ADCK2: variants seen among roughly 807,000 people sequenced by gnomAD.
The protein encoded by ADCK2 is aarF domain containing kinase 2.
Under a neutral mutation model 52.3 loss-of-function variants are expected in ADCK2, and 37 were observed. The ratio of observed to expected loss-of-function variants is 0.71; its 90% CI spans 0.54 to 0.93. ADCK2 has a LOEUF of 0.93. Ranked by LOEUF, ADCK2 falls within the 40% of genes least tolerant of loss-of-function variation. The pLI, the probability that ADCK2 is intolerant of heterozygous loss-of-function variation, is 0.00. For synonymous variants in ADCK2, 321 were observed against 349.2 expected (o/e 0.92, Z 0.90); for missense variants, 695 against 798.7 (o/e 0.87, Z 1.56).
chr7:140,675,136 A>G (rs987944964), intron 2 of ADCK2, among the ~76,000 whole-genome samples: 5 of 152,100 alleles, frequency 3.3e-5, no homozygotes, highest in Non-Finnish European at 7.4e-5. Context: ...CCAGCTACTC[A>G]GGAAGCTGAG....
In ADCK2 at chr7:140,694,841, G is replaced by A; in HGVS notation, c.*38G>A. The A allele has an allele frequency of 6.3e-7, 1 of 1,585,330 alleles. No individual in the cohort carries two copies. Among genetic ancestry groups the A allele is most frequent in the Admixed American group, 1.8e-5 (1 of 54,880 alleles). On this transcript the variant is annotated 3_prime_UTR_variant, in exon 8 of 8. Coordinates refer to ENST00000072869, the MANE Select transcript of ADCK2 (RefSeq NM_052853.4). ...CTCTGTGGGCCCTTGTCAAGAGCTG[G>A]AGGCCACTCCCAAGAGCCTCTCCTA...
chr7:140,679,181 T>C lies in ADCK2; in HGVS notation c.1107T>C (p.Asn369=). Residue 369 remains asparagine (N), a synonymous_variant, in exon 3 of 8, where the codon AAT becomes AAC. Coordinates refer to ENST00000072869, the MANE Select transcript of ADCK2 (RefSeq NM_052853.4). ...TTGACCTGCGTTACGAAGCTCAGAATCTAGAACACTTCCAGGTCAACTTCC... is the reference window on the plus strand; with the variant it reads ...TTGACCTGCGTTACGAAGCTCAGAACCTAGAACACTTCCAGGTCAACTTCC... ...QQIDLRYEAQ[N]LEHFQVNFRN... The C allele has an allele frequency of 1.9e-6, 3 of 1,614,116 alleles. No homozygotes were observed. The highest frequency in any genetic ancestry group is 2.5e-6 in the Non-Finnish European group (3 of 1,179,998).
In ADCK2 at chr7:140,674,459, T is replaced by A. The variant is rs1794357633; in HGVS notation, c.934-152T>A. 1 of 1,128,412 alleles carries A rather than the reference T, an allele frequency of 8.9e-7. No homozygotes were observed. The highest frequency in any genetic ancestry group is 1.2e-6 in the Non-Finnish European group (1 of 815,778). 69.9% of individuals were successfully genotyped at this position (1,128,412 alleles called of 1,614,324 possible). ...CTGATAGAGGAAAATGAACTGAGTC[T>A]GGAGTGAACTAACTGCTTGGGTGTC... On this transcript the variant is annotated intron_variant, in intron 1 of 7. Transcript: ENST00000072869. The surrounding 1 kb of genome is among the most constrained non-coding windows in gnomAD (Gnocchi z 4.6).
intron 7 of ADCK2, among the ~76,000 whole-genome samples, chr7:140,691,083 G>A (rs1278225726): frequency 6.6e-6 from 1 of 151,754 alleles, no homozygotes; most frequent in African/African-American, 2.4e-5. Context: ...CCACCACCAC[G>A]CCTGGCTAAT....
chr7:140,673,825 C>A lies in ADCK2; in HGVS notation c.495C>A (p.Ala165=), dbSNP rs769890800. The change falls in exon 1 of 8, where the codon GCC becomes GCA. Residue 165 remains alanine (A), a synonymous_variant. Coordinates refer to ENST00000072869, the MANE Select transcript of ADCK2 (RefSeq NM_052853.4). This position sits in a 1 kb window ranked among gnomAD's most constrained non-coding sequence, Gnocchi z 6.4. ...ATCTGTTTTCGGAGGCTTTCTGTGCCCAATTTTCCAAGCTGCATGTCCGAG... is the reference window on the plus strand; with the variant it reads ...ATCTGTTTTCGGAGGCTTTCTGTGCACAATTTTCCAAGCTGCATGTCCGAG... ...RRDLFSEAFC[A]QFSKLHVRVT... The A allele has an allele frequency of 6.2e-7, 1 of 1,613,994 alleles. No individual in the cohort carries two copies. The highest frequency in any genetic ancestry group is 8.5e-7 in the Non-Finnish European group (1 of 1,180,030).
At position 140,694,963 on chromosome 7, in the gene ADCK2, T is replaced by C; in HGVS notation, c.*160T>C. On this transcript the variant is annotated 3_prime_UTR_variant, in exon 8 of 8. Transcript: ENST00000072869. ...TGGCTTCCTCTGCTTGGTTTGAGGG[T>C]CTGTTCAAAAGCTTTGGGCCAATTA... The C allele has an allele frequency of 7.2e-7, 1 of 1,396,834 alleles. No individual in the cohort carries two copies. The highest frequency in any genetic ancestry group is 9.3e-7 in the Non-Finnish European group (1 of 1,078,842). The allele number at this position is 1,396,834 out of a possible 1,614,324, so 86.5% of individuals were successfully genotyped here.
intron 3 of ADCK2, among the ~76,000 whole-genome samples, chr7:140,679,871 G>T (rs928141039): frequency 6.6e-6 from 1 of 151,508 alleles, no homozygotes; most frequent in Admixed American, 6.6e-5. Flanking sequence ...ATGGAGTTTT[G>T]CCGTGTTGGC....
In ADCK2 at chr7:140,687,258, C is replaced by T; in HGVS notation, c.1557+17C>T. On this transcript the variant is annotated intron_variant, in intron 5 of 7. Transcript: ENST00000072869. ...ATGGGGCAGGTGAGACGCACTGGGA[C>T]CACAGAAGTTGGGGTGAATTTTTTT... The T allele has an allele frequency of 6.5e-7, 1 of 1,535,942 alleles. No homozygotes were observed. The highest frequency in any genetic ancestry group is 8.8e-7 in the Non-Finnish European group (1 of 1,134,970).
chr7:140,674,651 T>G lies in ADCK2; in HGVS notation c.974T>G (p.Leu325Arg). 6.2e-7 allele frequency: 1 copy of G among 1,614,140 alleles called. No individual in the cohort carries two copies. Among genetic ancestry groups the G allele is most frequent in the Non-Finnish European group, 8.5e-7 (1 of 1,180,018 alleles). ...PGLLAQVHMD[L>R]LLMKIGSRVL... ...CTGCTCGCTCAGGTGCATATGGACCTGCTGCTGATGAAGATTGGCAGCCGA... is the reference window on the plus strand; with the variant it reads ...CTGCTCGCTCAGGTGCATATGGACCGGCTGCTGATGAAGATTGGCAGCCGA... The change falls in exon 2 of 8, where the codon CTG becomes CGG. Residue 325 changes from leucine (L) to arginine (R), a missense_variant. Coordinates refer to ENST00000072869, the MANE Select transcript of ADCK2 (RefSeq NM_052853.4). The surrounding 1 kb of genome is among the most constrained non-coding windows in gnomAD (Gnocchi z 4.6).
chr7:140,683,493 C>G (rs1720605690), intron 4 of ADCK2, among the ~76,000 whole-genome samples: 1 of 152,130 alleles, frequency 6.6e-6, no homozygotes, highest in South Asian at 2.1e-4. Flanking sequence ...TCCTCCCTAC[C>G]ATGATTCTTT....
chr7:140,680,581 T>C (rs1031585332), intron 3 of ADCK2, among the ~76,000 whole-genome samples: 2 of 152,158 alleles, frequency 1.3e-5, no homozygotes, highest in East Asian at 3.8e-4. Flanking sequence ...ATCTCTTATC[T>C]TCAGTAGCAG....
In ADCK2 at chr7:140,693,586, A is replaced by G. The variant is rs1333520912; in HGVS notation, c.1741-1077A>G. Among the ~76,000 whole-genome samples, 1 of 152,176 alleles carries G rather than the reference A, an allele frequency of 6.6e-6. No individual in the cohort carries two copies. The highest frequency in any genetic ancestry group is 2.4e-5 in the African/African-American group (1 of 41,436). ...TGAGCCACAGCTTCTTTCTCTATAG[A>G]ATGGGGATAACGATGATACTTTTGA... is the stretch of plus-strand genomic sequence containing the variant. On this transcript the variant is annotated intron_variant, in intron 7 of 7. Transcript: ENST00000072869. This position sits in a 1 kb window ranked among gnomAD's most constrained non-coding sequence, Gnocchi z 4.0.
At chr7:140,679,058 G>A in intron 2 of ADCK2, 97 bp from the exon 3 acceptor site, 2 of 1,467,714 alleles carry the variant, frequency 1.4e-6, no homozygotes, top group Non-Finnish European at 1.9e-6. Flanking sequence ...TGGGGAAGGT[G>A]GGGTGGATCT....
At chr7:140,679,335 GGCCCGTCTCCA>G in intron 3 of ADCK2, 52 bp downstream of exon 3, 1 of 1,605,216 alleles carries the variant, frequency 6.2e-7, no homozygotes, top group Non-Finnish European at 8.5e-7. Context: ...ACTCGCAGTG[GGCCCGTCTCCA>G]GCCCACAGAA....
chr7:140,674,674 C>T lies in ADCK2; in HGVS notation c.997C>T (p.Arg333Ter), dbSNP rs919343786. Residue 333 changes from arginine (R) to a stop codon, truncating the protein, a stop_gained, in exon 2 of 8, where the codon CGA (arginine) becomes TGA (stop). Transcript: ENST00000072869. LOFTEE classifies it high-confidence loss of function. The surrounding 1 kb of genome is among the most constrained non-coding windows in gnomAD (Gnocchi z 4.6). ...MDLLLMKIGS[R>*]VLGVLPGIKW... The stretch of plus-strand genomic sequence containing the variant: ...CCTGCTGCTGATGAAGATTGGCAGC[C>T]GAGTCCTGGGAGTTTTGCCAGGCAT... 1.2e-5 allele frequency: 19 copies of T among 1,613,938 alleles called. No homozygotes were observed. The highest frequency in any genetic ancestry group is 1.6e-4 in the Middle Eastern group (1 of 6,076).
chr7:140,694,050 A>G (rs1381152485), intron 7 of ADCK2, among the ~76,000 whole-genome samples: 1 of 152,160 alleles, frequency 6.6e-6, no homozygotes, highest in African/African-American at 2.4e-5. Context: ...ACCAGCTGAC[A>G]TGGCTCCTGC....
chr7:140,673,388 GA>G lies in ADCK2; in HGVS notation c.59del (p.Glu20GlyfsTer9). Reference protein sequence around the residue: ...RVCLSHLRCFELRQGLSLLRP... With the variant: ...RVCLSHLRCFXLRQGLSLLRP... The stretch of plus-strand genomic sequence containing the variant: ...TTGCCTGTCGCACCTGAGGTGCTTC[GA>G]GCTCAGACAGGGACTCAGCCTCCTG... On this transcript the variant is annotated frameshift_variant, in exon 1 of 8. Transcript: ENST00000072869. LOFTEE classifies it high-confidence loss of function. This position sits in a 1 kb window ranked among gnomAD's most constrained non-coding sequence, Gnocchi z 6.4. 6.4e-7 allele frequency: 1 copy of G among 1,552,368 alleles called. No individual in the cohort carries two copies. Among genetic ancestry groups the G allele is most frequent in the Non-Finnish European group, 8.7e-7 (1 of 1,149,574 alleles).
chr7:140,688,655 G>A (rs1794650789), intron 5 of ADCK2, among the ~76,000 whole-genome samples: 1 of 152,226 alleles, frequency 6.6e-6, no homozygotes, highest in Non-Finnish European at 1.5e-5. Context: ...CCTGGTGTGT[G>A]CTACCTGCTG....
Position 140,687,009 on chromosome 7 carries a change from TC to T in ADCK2, c.1327del (p.His443MetfsTer63), listed in dbSNP as rs1404891863. 7 of 1,613,730 alleles carry T rather than the reference TC, an allele frequency of 4.3e-6. No homozygotes were observed. In the East Asian group the frequency reaches 1.6e-4, roughly 36 times the overall value. ...TTCCAGATATTTGTGGATAACTTTGTCCATGCAGACCTTCACCCTGGAAACA... is the reference window on the plus strand; with the variant it reads ...TTCCAGATATTTGTGGATAACTTTGTCATGCAGACCTTCACCCTGGAAACA... ...LLKMIFVDNF[V>X]HADLHPGNIL... On this transcript the variant is annotated frameshift_variant, in exon 5 of 8. Coordinates refer to ENST00000072869, the MANE Select transcript of ADCK2 (RefSeq NM_052853.4). LOFTEE classifies it high-confidence loss of function.
Sources: allele counts gnomAD v4.1 joint callset (sites outside exome capture counted in the v4.1 genomes callset), GRCh38; gene constraint gnomAD v4.1.1; non-coding constraint Gnocchi (gnomAD v3.1); transcripts MANE v1.5; gene names NCBI Gene and HGNC (gene_info 2026-07-23, HGNC 2026-07-21).